WBP2NL: variants seen among roughly 807,000 people sequenced by gnomAD.
WBP2NL encodes WBP2 N-terminal like.
Under a neutral mutation model 23.3 loss-of-function variants are expected in WBP2NL, and 27 were observed. The observed-to-expected ratio is 1.16, with a 90% confidence interval of 0.85 to 1.60. The LOEUF (loss-of-function observed/expected upper bound fraction) is 1.60. WBP2NL is among the 40% of genes most tolerant of loss of function. The pLI, the probability that WBP2NL is intolerant of heterozygous loss-of-function variation, is 0.00. For missense variants in WBP2NL, 370 were observed against 389.5 expected, an observed-to-expected ratio of 0.95 and a Z score of 0.42; for synonymous variants, 151 against 145.9, an observed-to-expected ratio of 1.03 and a Z score of -0.25.
intron 1 of WBP2NL, among the ~76,000 whole-genome samples, chr22:42,010,475 C>G (rs1922701959): frequency 6.6e-6 from 1 of 152,064 alleles, no homozygotes; most frequent in Non-Finnish European, 1.5e-5. Flanking sequence ...GTTGAGGTAG[C>G]TTCCTTCTAC....
chr22:42,049,554 G>A lies in WBP2NL; in HGVS notation c.*274-8736G>A, dbSNP rs1925737715. Among the ~76,000 whole-genome samples, 3 of 151,810 alleles carry A rather than the reference G, an allele frequency of 2.0e-5. No homozygotes were observed. In the South Asian group the frequency reaches 6.2e-4, roughly 31 times the overall value. Reference sequence around the variant, plus strand: ...AAATACAAAAAATTAGCCGGGCGTGGTGGCGGGCACCTGTAGTCCTAGCTA... The same window carrying A: ...AAATACAAAAAATTAGCCGGGCGTGATGGCGGGCACCTGTAGTCCTAGCTA... On this transcript the variant is annotated intron_variant and NMD_transcript_variant, in intron 8 of 8. Transcript: ENST00000436265.
chr22:42,007,218 T>C (rs1173849144), intron 1 of WBP2NL, among the ~76,000 whole-genome samples: 5 of 152,184 alleles, frequency 3.3e-5, no homozygotes, highest in African/African-American at 1.2e-4. Context: ...GGGTTTTTGT[T>C]TTGTTTTTTG....
chr22:42,001,650 A>C, intron 1 of WBP2NL: 4 of 1,099,342 alleles, frequency 3.6e-6, no homozygotes, highest in Non-Finnish European at 5.6e-6. Context: ...CAAAACTGGG[A>C]TCTCTTGTCC....
At chr22:42,034,528 C>G (rs1925106740), downstream of WBP2NL, among the ~76,000 whole-genome samples, 1 of 152,154 alleles carries the variant, frequency 6.6e-6, no homozygotes, top group Non-Finnish European at 1.5e-5. Flanking sequence ...GATCACATTG[C>G]TAATGAAGTT....
At chr22:42,045,081 T>G (rs1925533890) in intron 8 of WBP2NL, among the ~76,000 whole-genome samples, 1 of 152,130 alleles carries the variant, frequency 6.6e-6, no homozygotes. Context: ...TCCTCTTGTC[T>G]CAGTCTCCCA....
At chr22:42,020,192 T>A (rs1923758121) in intron 4 of WBP2NL, 96 bp downstream of exon 4, 1 of 1,250,604 alleles carries the variant, frequency 8.0e-7, no homozygotes, top group African/African-American at 1.5e-5. Context: ...GTTGTTTTGT[T>A]GTTTTTGAGA....
chr22:42,043,206 C>T (rs1480333244), intron 8 of WBP2NL, among the ~76,000 whole-genome samples: 1 of 152,022 alleles, frequency 6.6e-6, no homozygotes, highest in Non-Finnish European at 1.5e-5. Flanking sequence ...GTTCATGGAG[C>T]AGTACAGTGT....
chr22:41,999,968 C>T (rs866227504), intron 1 of WBP2NL, among the ~76,000 whole-genome samples: 5 of 152,280 alleles, frequency 3.3e-5, no homozygotes, highest in Non-Finnish European at 7.4e-5. Context: ...GACTCCACTG[C>T]GCTCACCTCT....
intron 5 of WBP2NL, among the ~76,000 whole-genome samples, chr22:42,026,443 T>C (rs1276710745): frequency 1.3e-5 from 2 of 152,036 alleles, no homozygotes. Flanking sequence ...TTTTCTCTAT[T>C]TTCCAAACGC....
Position 42,054,347 on chromosome 22 carries a change from A to AT in WBP2NL, c.*274-3928dup, listed in dbSNP as rs774410235. On this transcript the variant is annotated intron_variant and NMD_transcript_variant, in intron 8 of 8. Transcript: ENST00000436265. ...AGGCGCATGGCACCATGCCCAGGTA[A>AT]TTTTTTTTTTTTTTTGTATTTTTAG... is the stretch of plus-strand genomic sequence containing the variant. Among the ~76,000 whole-genome samples the AT allele has an allele frequency of 5.9e-3, 829 of 141,418 alleles. 4 individuals are homozygous for AT. Among genetic ancestry groups the AT allele is most frequent in the East Asian group, 0.011 (55 of 4,876 alleles). The allele number at this position is 141,418 out of a possible 152,430, so 92.8% of individuals were successfully genotyped here. A position where few individuals can be genotyped will look rare whatever the true frequency, so the allele number is the denominator to read the frequency against.
intron 1 of WBP2NL, chr22:42,001,258 GC>G: frequency 1.4e-6 from 1 of 690,036 alleles, no homozygotes. Flanking sequence ...TCATCATGTA[GC>G]AGCAAATGGT....
chr22:42,009,670 T>C (rs1309613978), intron 1 of WBP2NL, among the ~76,000 whole-genome samples: 1 of 152,222 alleles, frequency 6.6e-6, no homozygotes, highest in Non-Finnish European at 1.5e-5. Context: ...AGTCCATTGG[T>C]TTGTTTATCT....
At position 42,027,774 on chromosome 22, in the gene WBP2NL, A is replaced by G. The variant is rs1924645197; in HGVS notation, c.*593A>G. On this transcript the variant is annotated 3_prime_UTR_variant, in exon 6 of 6. Coordinates refer to ENST00000328823, the MANE Select transcript of WBP2NL (RefSeq NM_152613.3). ...TTAAAACTTCTCTATGACAGAAGTT[A>G]AAAGATAGGCAACAGAATAGGAAAA... The G allele has an allele frequency of 7.6e-6, 3 of 392,556 alleles. No individual in the cohort carries two copies. In the South Asian group the frequency reaches 4.3e-4, roughly 56 times the overall value. 24.3% of individuals were successfully genotyped at this position (392,556 alleles called of 1,614,324 possible).
chr22:42,009,597 A>G (rs1301561237), intron 1 of WBP2NL, among the ~76,000 whole-genome samples: 1 of 152,224 alleles, frequency 6.6e-6, no homozygotes, highest in Non-Finnish European at 1.5e-5. Context: ...GAGTCATCTT[A>G]GTACCTTTGT....
At chr22:42,054,466 T>C (rs1355975759) in intron 8 of WBP2NL, among the ~76,000 whole-genome samples, 3 of 151,948 alleles carry the variant, frequency 2.0e-5, no homozygotes, top group African/African-American at 7.3e-5. Flanking sequence ...GCTGGGATTA[T>C]AAGCATGACC....
chr22:42,054,435 C>T (rs569989807), intron 8 of WBP2NL, among the ~76,000 whole-genome samples: 1 of 151,980 alleles, frequency 6.6e-6, no homozygotes, highest in East Asian at 1.9e-4. Flanking sequence ...AGGTGATCCA[C>T]CTGCCTTGGC....
At chr22:42,048,399 G>T (rs1320057807) in intron 8 of WBP2NL, among the ~76,000 whole-genome samples, 5 of 146,770 alleles carry the variant, frequency 3.4e-5, no homozygotes, top group Admixed American at 2.7e-4. Context: ...AAAAAAAAAA[G>T]AAGAAAAATA....
chr22:42,042,957 C>T (rs531497658), intron 8 of WBP2NL, among the ~76,000 whole-genome samples: 4 of 142,226 alleles, frequency 2.8e-5, no homozygotes, highest in South Asian at 2.2e-4. Context: ...CCCAGCTACT[C>T]AGGAGGCTAA....
At chr22:42,003,538 T>G (rs967563582) in intron 1 of WBP2NL, 15 of 152,068 alleles carry the variant, frequency 9.9e-5, no homozygotes, top group African/African-American at 3.6e-4. Context: ...AAAATAAATT[T>G]TTTTTAAAAA....
Sources: allele counts gnomAD v4.1 joint callset (sites outside exome capture counted in the v4.1 genomes callset), GRCh38; gene constraint gnomAD v4.1.1; transcripts MANE v1.5; gene names NCBI Gene and HGNC (gene_info 2026-07-23, HGNC 2026-07-21).